MANBA: variants seen among roughly 807,000 people sequenced by gnomAD.
The protein encoded by MANBA is mannosidase beta, also known as beta-mannosidase.
MANBA carries 83 observed loss-of-function variants against 111.1 expected under a neutral mutation model. The observed-to-expected ratio is 0.75, with a 90% CI of 0.63 to 0.90. MANBA has a LOEUF of 0.90. Ranked by LOEUF, MANBA falls within the 40% of genes least tolerant of loss-of-function variation. MANBA has a pLI of 0.00. For synonymous variants in MANBA, 370 were observed against 378.7 expected (o/e 0.98, Z 0.27); for missense variants, 1,036 against 1,069.0 (o/e 0.97, Z 0.43).
At chr4:102,680,179 C>T (rs1731899720) in intron 7 of MANBA, among the ~76,000 whole-genome samples, 1 of 152,072 alleles carries the variant, frequency 6.6e-6, no homozygotes, top group South Asian at 2.1e-4. Context: ...TGTTGATTTC[C>T]TTATATTTTG....
Position 102,671,550 on chromosome 4 carries a change from T to C in MANBA, c.1113-152A>G. The C allele has an allele frequency of 1.1e-5, 7 of 649,300 alleles. No homozygotes were observed. The South Asian group carries it at 1.2e-4, about 12-fold the overall frequency. 40.2% of individuals were successfully genotyped at this position (649,300 alleles called of 1,614,324 possible). ...TTAAAGAAAGTAAGATAAAATTATA[T>C]ACACATTAACTATAACCACATAAAA... On this transcript the variant is annotated intron_variant, in intron 8 of 16. Coordinates refer to ENST00000647097, the MANE Select transcript of MANBA (RefSeq NM_005908.4).
At chr4:102,754,002 C>CA (rs35420022) in intron 1 of MANBA, 5,941 of 177,868 alleles carry the variant, frequency 0.033, 8 homozygotes, top group South Asian at 0.063. Context: ...GACTCTGTCT[C>CA]AAAAAAAAAA....
At chr4:102,695,765 C>G (rs1315330748) in intron 5 of MANBA, among the ~76,000 whole-genome samples, 2 of 152,122 alleles carry the variant, frequency 1.3e-5, no homozygotes, top group African/African-American at 4.8e-5. Context: ...CTCACAGGTA[C>G]ACAACGATTG....
At chr4:102,702,162 G>A (rs1733084018) in intron 5 of MANBA, among the ~76,000 whole-genome samples, 1 of 151,700 alleles carries the variant, frequency 6.6e-6, no homozygotes, top group Admixed American at 6.6e-5. Context: ...CGGCTCCTGA[G>A]GCTTCTGCAT....
intron 1 of MANBA, among the ~76,000 whole-genome samples, chr4:102,756,797 T>TAAAAAAAAAAAAA (rs35787338): frequency 4.2e-5 from 3 of 72,006 alleles, no homozygotes; most frequent in African/African-American, 5.5e-5. Context: ...AGAGACTATC[T>TAAAAAAAAAAAAA]AAAAAAAAAA....
chr4:102,689,603 C>T lies in MANBA; in HGVS notation c.931G>A (p.Gly311Arg), dbSNP rs1024329131. Residue 311 changes from glycine (G) to arginine (R), a missense_variant, in exon 7 of 17, where the codon GGA becomes AGA. Physicochemically the swap from Gly to Arg is moderately radical, Grantham distance 125. Transcript: ENST00000647097. Reference protein sequence around the residue: ...YNMTVLFELDGGLNIEKSAKV... With the variant: ...YNMTVLFELDRGLNIEKSAKV... ...GCTGATTTTTCAATATTTAAGCCTC[C>T]ATCCAGTTCAAAAAGAACAGTCATG... 4 of 1,606,698 alleles carry T rather than the reference C, an allele frequency of 2.5e-6. No individual in the cohort carries two copies. Among genetic ancestry groups the T allele is most frequent in the Non-Finnish European group, 3.4e-6 (4 of 1,174,366 alleles).
chr4:102,641,708 T>C (rs1438704262), intron 13 of MANBA, among the ~76,000 whole-genome samples: 4 of 152,186 alleles, frequency 2.6e-5, no homozygotes, highest in African/African-American at 9.7e-5. Flanking sequence ...TTCAGCATTA[T>C]CTGCAAGATA....
In MANBA at chr4:102,726,692, A is replaced by C; in HGVS notation, c.178-9T>G. Reference sequence around the variant, plus strand: ...AATCTGTAGTAAGAATCCTGTTGATACAAGGTAAAAATTATGGTAGATGGT... The same window carrying C: ...AATCTGTAGTAAGAATCCTGTTGATCCAAGGTAAAAATTATGGTAGATGGT... On this transcript the variant is annotated splice_polypyrimidine_tract_variant and intron_variant, in intron 1 of 16. Transcript: ENST00000647097. 3 of 1,336,504 alleles carry C rather than the reference A, an allele frequency of 2.2e-6. No individual in the cohort carries two copies. The East Asian group carries it at 6.9e-5, about 31-fold the overall frequency. The allele number at this position is 1,336,504 out of a possible 1,614,324, so 82.8% of individuals were successfully genotyped here. A position where few individuals can be genotyped will look rare whatever the true frequency, so the allele number is the denominator to read the frequency against.
At chr4:102,705,492 C>T (rs1224518392) in intron 5 of MANBA, among the ~76,000 whole-genome samples, 1 of 152,152 alleles carries the variant, frequency 6.6e-6, no homozygotes, top group African/African-American at 2.4e-5. Flanking sequence ...AGCAACTCCA[C>T]CCCCTCAGGA....
At chr4:102,750,678 CGAG>C (rs1193495255) in intron 1 of MANBA, among the ~76,000 whole-genome samples, 3 of 152,016 alleles carry the variant, frequency 2.0e-5, no homozygotes, top group African/African-American at 7.2e-5. Context: ...TTTGGGAGGC[CGAG>C]GTGGGAATAT....
chr4:102,670,332 G>A (rs941145368), intron 9 of MANBA, among the ~76,000 whole-genome samples: 1 of 152,130 alleles, frequency 6.6e-6, no homozygotes, highest in Non-Finnish European at 1.5e-5. Context: ...GAATGGGCAT[G>A]AAGATAAAAT....
intron 7 of MANBA, 89 bp from the exon 8 acceptor site, chr4:102,674,159 A>G: frequency 4.1e-6 from 4 of 975,186 alleles, no homozygotes. Context: ...TTGAAAAACT[A>G]CATTCAGTAG....
intron 1 of MANBA, among the ~76,000 whole-genome samples, chr4:102,733,559 C>G (rs1723105264): frequency 6.6e-6 from 1 of 152,140 alleles, no homozygotes; most frequent in Admixed American, 6.6e-5. Flanking sequence ...GGAGATCTTA[C>G]TATGTTGCCA....
At chr4:102,635,133 G>C in intron 15 of MANBA, 88 bp from the exon 16 acceptor site, 7 of 1,469,434 alleles carry the variant, frequency 4.8e-6, no homozygotes, top group Non-Finnish European at 6.6e-6. Context: ...CTGAAAGTCA[G>C]GTTAGCAGAA....
chr4:102,634,996 G>A lies in MANBA; in HGVS notation c.2207C>T (p.Thr736Ile), dbSNP rs202100945. The A allele has an allele frequency of 2.0e-5, 33 of 1,614,142 alleles. No homozygotes were observed. The highest frequency in any genetic ancestry group is 3.3e-4 in the Middle Eastern group (2 of 6,062). ...TCCTCCTTTCATCACAAAACGTTCAGTCACACGAGAGCACACGGGCTCCAG... is the reference window on the plus strand; with the variant it reads ...TCCTCCTTTCATCACAAAACGTTCAATCACACGAGAGCACACGGGCTCCAG... Reference protein sequence around the residue: ...SSLEPVCSRVTERFVMKGGEA... With the variant: ...SSLEPVCSRVIERFVMKGGEA... The change falls in exon 16 of 17, where the codon ACT becomes ATT. Residue 736 changes from threonine (T) to isoleucine (I), a missense_variant. Thr to Ile is a moderately conservative substitution (Grantham distance 89). Transcript: ENST00000647097.
intron 1 of MANBA, among the ~76,000 whole-genome samples, chr4:102,759,436 T>C (rs1014538316): frequency 1.3e-5 from 2 of 152,186 alleles, no homozygotes; most frequent in African/African-American, 2.4e-5. Context: ...GTCAGCTGTG[T>C]TCTCTATCAC....
Position 102,743,408 on chromosome 4 carries a change from A to T in MANBA, c.178-16725T>A, listed in dbSNP as rs568386933. 9.2e-5 allele frequency among the ~76,000 whole-genome samples: 14 copies of T among 152,254 alleles called. 1 individual carries two copies. In the South Asian group the frequency reaches 2.9e-3, roughly 32 times the overall value. Reference sequence around the variant, plus strand: ...TTCCCTTCACTGCTATCCTTCAGGGATGTCCTAGAAAGGGGCTGTAGTGCT... The same window carrying T: ...TTCCCTTCACTGCTATCCTTCAGGGTTGTCCTAGAAAGGGGCTGTAGTGCT... On this transcript the variant is annotated intron_variant, in intron 1 of 16. Coordinates refer to ENST00000647097, the MANE Select transcript of MANBA (RefSeq NM_005908.4).
At chr4:102,686,057 C>T (rs773052278) in intron 7 of MANBA, among the ~76,000 whole-genome samples, 2 of 152,138 alleles carry the variant, frequency 1.3e-5, no homozygotes, top group East Asian at 1.9e-4. Flanking sequence ...CTCCAAAGAG[C>T]CCTGATTGCT....
chr4:102,687,119 A>G (rs1732251977), intron 7 of MANBA, among the ~76,000 whole-genome samples: 1 of 152,120 alleles, frequency 6.6e-6, no homozygotes, highest in Non-Finnish European at 1.5e-5. Flanking sequence ...CTGCCTGTTC[A>G]GCAGCCCAAA....
Sources: allele counts gnomAD v4.1 joint callset (sites outside exome capture counted in the v4.1 genomes callset), GRCh38; gene constraint gnomAD v4.1.1; transcripts MANE v1.5; gene names NCBI Gene and HGNC (gene_info 2026-07-23, HGNC 2026-07-21).